The following PBRM1 variants were observed in gnomAD, a reference collection of about 807,000 sequenced individuals.
The protein encoded by PBRM1 is polybromo 1.
PBRM1 carries 27 observed loss-of-function variants against 194.5 expected under a neutral mutation model. The ratio of observed to expected loss-of-function variants is 0.14; its 90% CI spans 0.10 to 0.19. The LOEUF (loss-of-function observed/expected upper bound fraction) is 0.19, where lower values mean the gene tolerates loss of function less well. Among genes scored for constraint, PBRM1 ranks in the 10% least tolerant of loss-of-function variants. The probability of loss-of-function intolerance (pLI) is 1.00; values close to 1 mark genes in which losing one functional copy is unlikely to be tolerated. For missense variants in PBRM1, 1,466 were observed against 2,077.2 expected (o/e 0.71, Z 5.72); for synonymous variants, 655 against 693.2 (o/e 0.94, Z 0.87).
intron 14 of PBRM1, 65 bp downstream of exon 16, chr3:52,617,197 C>G: frequency 7.5e-7 from 1 of 1,326,066 alleles, no homozygotes; most frequent in South Asian, 1.4e-5. Context: ...TCTCAAAATG[C>G]ATTATTCTAT....
chr3:52,573,191 T>G (rs758483899), intron 22 of PBRM1, among the ~76,000 whole-genome samples: 1 of 152,194 alleles, frequency 6.6e-6, no homozygotes, highest in Admixed American at 6.6e-5. Context: ...TTTCTGACAA[T>G]ATCAGCATCT....
chr3:52,612,258 C>CAAAAAA lies in PBRM1; in HGVS notation c.1925-2309_1925-2304dup, dbSNP rs566481465. On this transcript the variant is annotated intron_variant, in intron 15 of 29. Transcript: ENST00000296302. ...TAGGCAACAGAGCGAGATTCCGTCT[C>CAAAAAA]AAAAAAAAAAAAAAAAAAAAAAAAG... Among the ~76,000 whole-genome samples the CAAAAAA allele has an allele frequency of 1.3e-3, 32 of 24,002 alleles. 1 individual carries two copies. The highest frequency in any genetic ancestry group is 4.7e-3 in the African/African-American group (30 of 6,328). The allele number at this position is 24,002 out of a possible 152,430, so 15.7% of individuals were successfully genotyped here.
intron 2 of PBRM1, among the ~76,000 whole-genome samples, chr3:52,676,226 G>C (rs2097102487): frequency 6.8e-6 from 1 of 147,512 alleles, no homozygotes; most frequent in South Asian, 2.2e-4. Flanking sequence ...CTAAATGTAA[G>C]AGCTAAAACT....
At chr3:52,621,261 A>G (rs1369377363) in intron 13 of PBRM1, among the ~76,000 whole-genome samples, 3 of 151,940 alleles carry the variant, frequency 2.0e-5, no homozygotes, top group Non-Finnish European at 4.4e-5. Flanking sequence ...CCAGGTTCAC[A>G]CCATTCTCCT....
intron 16 of PBRM1, 48 bp from the exon 19 acceptor site, chr3:52,603,780 A>G (rs930093417): frequency 2.0e-6 from 3 of 1,494,662 alleles, no homozygotes; most frequent in Non-Finnish European, 2.7e-6. Flanking sequence ...TGTTTCTTTT[A>G]AACACCTCAA....
chr3:52,560,170 C>A (rs1001900623), intron 25 of PBRM1, among the ~76,000 whole-genome samples: 1 of 152,204 alleles, frequency 6.6e-6, no homozygotes, highest in African/African-American at 2.4e-5. Context: ...TCCCTCTCTT[C>A]ATTCCTACTC....
intron 2 of PBRM1, among the ~76,000 whole-genome samples, chr3:52,670,972 C>G (rs954442809): frequency 2.6e-5 from 4 of 152,216 alleles, no homozygotes; most frequent in Non-Finnish European, 5.9e-5. Context: ...ATATCCAAGT[C>G]ATGTCCTTAA....
chr3:52,557,664 A>AT (rs2082496760), intron 26 of PBRM1, among the ~76,000 whole-genome samples: 1 of 152,136 alleles, frequency 6.6e-6, no homozygotes, highest in Non-Finnish European at 1.5e-5. Context: ...CTAACAGAAA[A>AT]TGCAGTTTAA....
At chr3:52,602,820 G>A (rs1469874526) in intron 17 of PBRM1, among the ~76,000 whole-genome samples, 1 of 151,980 alleles carries the variant, frequency 6.6e-6, no homozygotes, top group African/African-American at 2.4e-5. Flanking sequence ...TTCTTTTTGG[G>A]GTTTGCCATC....
At position 52,601,194 on chromosome 3, in the gene PBRM1, CTCTGTA is replaced by C. The variant is rs1385175726; in HGVS notation, c.2779+2321_2779+2326del. 2.6e-5 allele frequency among the ~76,000 whole-genome samples: 4 copies of C among 152,196 alleles called. No homozygotes were observed. In the East Asian group the frequency reaches 7.7e-4, roughly 29 times the overall value. On this transcript the variant is annotated intron_variant, in intron 17 of 29. Coordinates refer to ENST00000296302, the Ensembl canonical transcript of PBRM1. ...ATCTGGGTTTGTACAGTAGTGTAATCTCTGTATGATTCCTTCTACTGTAAACAGTAT... is the reference window on the plus strand; with the variant it reads ...ATCTGGGTTTGTACAGTAGTGTAATCTGATTCCTTCTACTGTAAACAGTAT...
Position 52,651,839 on chromosome 3 carries a change from A to G in PBRM1, c.646-29T>C, listed in dbSNP as rs753159675. The G allele has an allele frequency of 4.1e-6, 6 of 1,452,060 alleles. No individual in the cohort carries two copies. The African/African-American group carries it at 4.2e-5, about 10-fold the overall frequency. 89.9% of individuals were successfully genotyped at this position (1,452,060 alleles called of 1,614,324 possible). A position where few individuals can be genotyped will look rare whatever the true frequency, so the allele number is the denominator to read the frequency against. On this transcript the variant is annotated intron_variant, in intron 5 of 29. Coordinates refer to ENST00000296302, the Ensembl canonical transcript of PBRM1. ...GAAGACAAAAAACCAGGCATGCTCA[A>G]TAAGTTAAACTATTCAGCTAATGAA...
chr3:52,661,935 C>T (rs2096734144), intron 4 of PBRM1, among the ~76,000 whole-genome samples, 198 bp downstream of exon 5: 1 of 152,158 alleles, frequency 6.6e-6, no homozygotes, highest in African/African-American at 2.4e-5. Flanking sequence ...CCACACATGG[C>T]ACACGTTGTC....
intron 12 of PBRM1, 140 bp downstream of exon 13, chr3:52,628,754 G>A (rs987542730): frequency 6.6e-6 from 5 of 753,738 alleles, no homozygotes; most frequent in Non-Finnish European, 1.1e-5. Context: ...TTACAGGTGT[G>A]AGCCACCGCA....
At chr3:52,546,292 C>G (rs2079666197), downstream of PBRM1, 1 of 232,724 alleles carries the variant, frequency 4.3e-6, no homozygotes, top group African/African-American at 2.2e-5. Context: ...ATTATACAGT[C>G]CATGATGATT....
Position 52,558,317 on chromosome 3 carries a change from G to A in PBRM1, c.4385C>T (p.Ala1462Val). 3.9e-6 allele frequency: 6 copies of A among 1,549,636 alleles called. No individual in the cohort carries two copies. The Middle Eastern group carries it at 8.4e-4, about 216-fold the overall frequency. ...TGGTGGTGGCACCACCCCCATGAGA[G>A]CCCCCACAGGGGTGCCTGCTCGGGG... Residue 1462 changes from alanine (A) to valine (V), a missense_variant, in exon 26 of 30, where the codon GCT becomes GTT. Coordinates refer to ENST00000296302, the Ensembl canonical transcript of PBRM1.
At chr3:52,600,786 G>A (rs1178116523) in intron 17 of PBRM1, among the ~76,000 whole-genome samples, 2 of 152,038 alleles carry the variant, frequency 1.3e-5, no homozygotes, top group Admixed American at 6.6e-5. Flanking sequence ...TTACAGGCAC[G>A]CGCCACCACG....
intron 5 of PBRM1, among the ~76,000 whole-genome samples, chr3:52,656,806 G>A (rs563187648): frequency 6.6e-6 from 1 of 152,342 alleles, no homozygotes; most frequent in East Asian, 1.9e-4. Flanking sequence ...GCACAAGCCT[G>A]TATACCCAGC....
intron 27 of PBRM1, chr3:52,551,806 A>G (rs1309964115): frequency 6.6e-6 from 1 of 152,206 alleles, no homozygotes; most frequent in Admixed American, 6.5e-5. Context: ...CGGATTAAAA[A>G]TCGTAATATT....
upstream of PBRM1, chr3:52,681,672 G>A (rs533739490): frequency 1.0e-5 from 10 of 990,980 alleles, no homozygotes; most frequent in South Asian, 1.4e-4. Flanking sequence ...AAAGGGAAAG[G>A]GTGTAGATAA....
Sources: gnomAD v4.1 joint callset for allele counts (sites outside exome capture counted in the v4.1 genomes callset) on GRCh38, gnomAD v4.1.1 for gene constraint, MANE v1.5 for transcripts, NCBI Gene and HGNC (gene_info 2026-07-23, HGNC 2026-07-21) for gene names.